USP15: variants seen among roughly 807,000 people sequenced by gnomAD.
USP15 encodes the protein ubiquitin carboxyl-terminal hydrolase 15.
In USP15, 18 loss-of-function variants were observed where a neutral mutation model predicts 127.1. The observed-to-expected ratio is 0.14, with a 90% CI of 0.10 to 0.21. The LOEUF (loss-of-function observed/expected upper bound fraction) is 0.21, where lower values mean the gene tolerates loss of function less well. Among genes scored for constraint, USP15 ranks in the 10% least tolerant of loss-of-function variants. The pLI is 1.00. For synonymous variants in USP15, 364 were observed against 393.7 expected (o/e 0.92, Z 0.89); for missense variants, 805 against 1,159.9 (o/e 0.69, Z 4.44).
rs772980102 is a variant in USP15, at chr12:62,393,253, T to G, written c.2570+51T>G. The G allele has an allele frequency of 2.5e-6, 4 of 1,573,272 alleles. No homozygotes were observed. The Admixed American group carries it at 7.4e-5, about 29-fold the overall frequency. On this transcript the variant is annotated intron_variant, in intron 19 of 21. Transcript: ENST00000280377. ...CATTGGGCAACTCTTCTTTCAAACT[T>G]ATTTGATGCTTTTTGTTATTATCCT...
chr12:62,306,959 G>A (rs757741572), intron 3 of USP15, among the ~76,000 whole-genome samples: 3 of 152,078 alleles, frequency 2.0e-5, no homozygotes, highest in Non-Finnish European at 4.4e-5. Context: ...AATATTAAGG[G>A]TGTCTTCTCA....
chr12:62,314,509 G>A (rs1359446275), intron 3 of USP15, among the ~76,000 whole-genome samples: 7 of 151,784 alleles, frequency 4.6e-5, no homozygotes, highest in African/African-American at 1.7e-4. Context: ...TGGTGTACTA[G>A]TGTATCTTCA....
chr12:62,391,528 A>AC, intron 16 of USP15, 99 bp downstream of exon 16: 4 of 1,431,264 alleles, frequency 2.8e-6, no homozygotes, highest in Non-Finnish European at 3.8e-6. Context: ...CAAGAAATAT[A>AC]CCATTTACTT....
intron 2 of USP15, among the ~76,000 whole-genome samples, chr12:62,295,556 A>G (rs1229397845): frequency 1.3e-5 from 2 of 152,236 alleles, no homozygotes; most frequent in East Asian, 1.9e-4. Flanking sequence ...ATGACAAGCA[A>G]TGTCAATCTT....
intron 7 of USP15, among the ~76,000 whole-genome samples, chr12:62,353,822 A>G (rs568383376): frequency 1.3e-5 from 2 of 152,162 alleles, no homozygotes; most frequent in South Asian, 2.1e-4. Context: ...AATGTGAATC[A>G]TGGGCTAATG....
rs926375407 is a variant in USP15 at position 62,411,148 on chromosome 12, AT to A, written c.*6774del. On this transcript the variant is annotated 3_prime_UTR_variant, in exon 22 of 22. Transcript: ENST00000280377. ...GAAATAAGGGAAAAGGACCCTAGAG[AT>A]CCTTGAGGAATCCCACTTTACAGAT... The A allele has an allele frequency of 6.6e-6, 1 of 152,202 alleles. No homozygotes were observed. The highest frequency in any genetic ancestry group is 6.5e-5 in the Admixed American group (1 of 15,268). The allele number at this position is 152,202 out of a possible 1,614,324, so 9.4% of individuals were successfully genotyped here.
chr12:62,329,312 C>T (rs1167407432), intron 6 of USP15, among the ~76,000 whole-genome samples: 3 of 152,054 alleles, frequency 2.0e-5, no homozygotes, highest in Admixed American at 1.3e-4. Context: ...CGGAGGTTTC[C>T]GTGAGCCAAG....
At chr12:62,280,031 C>G (rs2063604358) in intron 1 of USP15, among the ~76,000 whole-genome samples, 1 of 151,984 alleles carries the variant, frequency 6.6e-6, no homozygotes. Context: ...TATATATACT[C>G]CATCTGAAAT....
rs185272318 is a variant in USP15 at position 62,409,214 on chromosome 12, G to A, written c.*4839G>A. ...CCCCAGCTCTACTTTTGGGAGCCTG[G>A]AACTTGTCAGGGTTGTGAAATAGAT... On this transcript the variant is annotated 3_prime_UTR_variant, in exon 22 of 22. Transcript: ENST00000280377. 259 of 152,268 alleles carry A rather than the reference G, an allele frequency of 1.7e-3. 2 individuals are homozygous for A. Among genetic ancestry groups the A allele is most frequent in the African/African-American group, 6.1e-3 (252 of 41,554 alleles). The allele number at this position is 152,268 out of a possible 1,614,324, so 9.4% of individuals were successfully genotyped here.
At chr12:62,294,133 C>A in intron 1 of USP15, 46 bp from the exon 2 acceptor site, 1 of 1,595,166 alleles carries the variant, frequency 6.3e-7, no homozygotes, top group Non-Finnish European at 8.5e-7. Flanking sequence ...TCTACTGTTC[C>A]TGTATTTTCA....
chr12:62,322,549 C>A (rs7305206), intron 5 of USP15, among the ~76,000 whole-genome samples: 14,466 of 152,146 alleles, frequency 0.095, 1,145 homozygotes, highest in East Asian at 0.33. Context: ...CCATTCTCAG[C>A]CCTTATCTTT....
intron 3 of USP15, among the ~76,000 whole-genome samples, chr12:62,304,057 T>TTACA (rs1450301358): frequency 1.3e-5 from 2 of 151,362 alleles, no homozygotes; most frequent in African/African-American, 4.9e-5. Context: ...TCTAAAGGTA[T>TTACA]TACACTGTAT....
At chr12:62,369,172 G>T (rs1007793845) in intron 8 of USP15, among the ~76,000 whole-genome samples, 1 of 152,146 alleles carries the variant, frequency 6.6e-6, no homozygotes, top group Admixed American at 6.5e-5. Context: ...TGGAAGCAAA[G>T]TTCTTTCTTT....
intron 1 of USP15, among the ~76,000 whole-genome samples, chr12:62,285,872 A>C (rs548644058): frequency 6.6e-6 from 1 of 152,098 alleles, no homozygotes; most frequent in Admixed American, 6.5e-5. Context: ...ACTGTTTTCC[A>C]TAAAGGTTGT....
chr12:62,345,716 C>A (rs2065795390), intron 6 of USP15, among the ~76,000 whole-genome samples: 1 of 152,136 alleles, frequency 6.6e-6, no homozygotes, highest in Admixed American at 6.5e-5. Context: ...GAAAGAGGTT[C>A]ATTGGACTTA....
intron 6 of USP15, among the ~76,000 whole-genome samples, chr12:62,330,946 A>C (rs1028427751): frequency 2.2e-4 from 34 of 151,952 alleles, no homozygotes; most frequent in East Asian, 7.8e-4. Context: ...AAAAAAAAAA[A>C]AAAACAGAAA....
At chr12:62,348,305 T>G (rs2065876300) in intron 6 of USP15, among the ~76,000 whole-genome samples, 2 of 152,254 alleles carry the variant, frequency 1.3e-5, no homozygotes, top group Non-Finnish European at 2.9e-5. Flanking sequence ...ATTGTAGATA[T>G]ATATATTTAG....
intron 6 of USP15, among the ~76,000 whole-genome samples, chr12:62,327,983 A>G (rs772495098): frequency 2.0e-5 from 3 of 152,218 alleles, no homozygotes; most frequent in Admixed American, 6.5e-5. Flanking sequence ...GCACCTATGT[A>G]TGAAAAGATT....
intron 3 of USP15, among the ~76,000 whole-genome samples, chr12:62,308,932 A>G (rs773695245): frequency 6.6e-5 from 10 of 152,168 alleles, no homozygotes; most frequent in Non-Finnish European, 4.4e-5. Flanking sequence ...CATATTTTAA[A>G]CTGAATAATA....
Sources: gnomAD v4.1 joint callset for allele counts (sites outside exome capture counted in the v4.1 genomes callset) on GRCh38, gnomAD v4.1.1 for gene constraint, MANE v1.5 for transcripts, NCBI Gene and HGNC (gene_info 2026-07-23, HGNC 2026-07-21) for gene names.